The following ADGRL3 variants were observed in gnomAD, a reference collection of about 807,000 sequenced individuals.
ADGRL3 encodes the protein calcium-independent alpha-latrotoxin receptor 3.
Under a neutral mutation model 153.5 loss-of-function variants are expected in ADGRL3, and 62 were observed. The ratio of observed to expected loss-of-function variants is 0.40; its 90% CI spans 0.33 to 0.50. The LOEUF is 0.50. Ranked by LOEUF, ADGRL3 falls within the 20% of genes least tolerant of loss-of-function variation. ADGRL3 has a pLI of 0.47. For missense variants in ADGRL3, 1,641 were observed against 1,859.4 expected (o/e 0.88, Z 2.16); for synonymous variants, 710 against 672.5 (o/e 1.06, Z -0.86).
At chr4:61,745,146 G>A (rs981428739) in intron 8 of ADGRL3, among the ~76,000 whole-genome samples, 57 of 152,240 alleles carry the variant, frequency 3.7e-4, no homozygotes, top group African/African-American at 1.3e-3. Context: ...GAACTGAAGC[G>A]AGAAGGGAAG....
chr4:62,049,714 G>T (rs149533655), intron 25 of ADGRL3, among the ~76,000 whole-genome samples: 99 of 152,246 alleles, frequency 6.5e-4, no homozygotes, highest in African/African-American at 2.3e-3. Context: ...AGAGGGGAAA[G>T]ATGCTGCTAT....
chr4:61,774,793 T>C (rs2097128484), intron 8 of ADGRL3, among the ~76,000 whole-genome samples: 1 of 152,220 alleles, frequency 6.6e-6, no homozygotes, highest in South Asian at 2.1e-4. Flanking sequence ...AATTAAACTT[T>C]GTTATAGGTG....
chr4:61,588,876 A>G (rs2098957648), intron 5 of ADGRL3, among the ~76,000 whole-genome samples: 1 of 152,066 alleles, frequency 6.6e-6, no homozygotes, highest in African/African-American at 2.4e-5. Flanking sequence ...ACCAAACATA[A>G]GATTCTGTAG....
At chr4:61,443,651 G>C (rs2097549860) in intron 2 of ADGRL3, among the ~76,000 whole-genome samples, 1 of 151,864 alleles carries the variant, frequency 6.6e-6, no homozygotes, top group Admixed American at 6.6e-5. Context: ...TCTGAGGCTG[G>C]TGTGGGAGCA....
At chr4:62,053,982 A>T (rs1169727616) in intron 25 of ADGRL3, among the ~76,000 whole-genome samples, 3 of 151,624 alleles carry the variant, frequency 2.0e-5, no homozygotes, top group African/African-American at 7.2e-5. Context: ...ACAAATTCAC[A>T]AGCAATGTGT....
chr4:61,988,301 A>G (rs1204636603), intron 19 of ADGRL3, among the ~76,000 whole-genome samples: 1 of 152,194 alleles, frequency 6.6e-6, no homozygotes, highest in Non-Finnish European at 1.5e-5. Context: ...ATAATTAGTT[A>G]TTTAAAAAAT....
intron 1 of ADGRL3, among the ~76,000 whole-genome samples, chr4:61,249,255 A>C (rs1004197420): frequency 1.3e-5 from 2 of 152,186 alleles, no homozygotes; most frequent in Non-Finnish European, 2.9e-5. Flanking sequence ...AGTAAAGGTA[A>C]CACATTCATA....
chr4:61,740,374 C>T (rs192804397), intron 8 of ADGRL3, among the ~76,000 whole-genome samples: 1 of 152,292 alleles, frequency 6.6e-6, no homozygotes, highest in Admixed American at 6.5e-5. Context: ...TATCCTGATA[C>T]AGCTGGTGGG....
intron 26 of ADGRL3, among the ~76,000 whole-genome samples, chr4:62,068,926 T>A (rs568717469): frequency 6.6e-6 from 1 of 152,312 alleles, no homozygotes; most frequent in African/African-American, 2.4e-5. Context: ...GATAAATAAT[T>A]GCATCACAGA....
At chr4:61,548,657 C>A (rs2098725806) in intron 4 of ADGRL3, among the ~76,000 whole-genome samples, 1 of 151,988 alleles carries the variant, frequency 6.6e-6, no homozygotes, top group African/African-American at 2.4e-5. Context: ...GTACTAATAT[C>A]ATGCTTTTTT....
At chr4:62,011,232 A>G (rs1182524689) in intron 21 of ADGRL3, among the ~76,000 whole-genome samples, 1 of 152,152 alleles carries the variant, frequency 6.6e-6, no homozygotes, top group Non-Finnish European at 1.5e-5. Context: ...ATACAAATTT[A>G]TTTATTACAA....
At chr4:61,891,904 G>C (rs1397965394) in intron 9 of ADGRL3, among the ~76,000 whole-genome samples, 1 of 152,114 alleles carries the variant, frequency 6.6e-6, no homozygotes, top group Non-Finnish European at 1.5e-5. Context: ...TGGAAACATA[G>C]GTTCAATTAC....
chr4:62,034,757 A>G (rs1003156779), intron 23 of ADGRL3, among the ~76,000 whole-genome samples: 9 of 151,922 alleles, frequency 5.9e-5, no homozygotes, highest in Non-Finnish European at 1.3e-4. Context: ...AAATTTTTGT[A>G]TCTCAGTCTT....
intron 4 of ADGRL3, among the ~76,000 whole-genome samples, chr4:61,563,834 C>A (rs1172154691): frequency 6.6e-6 from 1 of 152,016 alleles, no homozygotes; most frequent in Admixed American, 6.6e-5. Flanking sequence ...ATGGTGAAAT[C>A]CCGTCTCTAC....
intron 2 of ADGRL3, among the ~76,000 whole-genome samples, chr4:61,471,318 A>G (rs1408151371): frequency 1.3e-5 from 2 of 151,828 alleles, no homozygotes; most frequent in African/African-American, 4.8e-5. Context: ...TATCCAATTG[A>G]TCAAAATTAC....
At chr4:61,400,850 T>C (rs1287554933) in intron 2 of ADGRL3, among the ~76,000 whole-genome samples, 1 of 150,816 alleles carries the variant, frequency 6.6e-6, no homozygotes, top group Non-Finnish European at 1.5e-5. Flanking sequence ...TGCTCCCTTG[T>C]CCTTAATTAT....
rs73215845 is a variant in ADGRL3, at chr4:61,572,413, G to T, written c.260-14814G>T. Among the ~76,000 whole-genome samples, 329 of 152,044 alleles carry T rather than the reference G, an allele frequency of 2.2e-3. 2 individuals carry two copies. The highest frequency in any genetic ancestry group is 7.2e-3 in the African/African-American group (298 of 41,490). On this transcript the variant is annotated intron_variant, in intron 4 of 26. Coordinates refer to ENST00000683033, the MANE Select transcript of ADGRL3 (RefSeq NM_001387552.1). ...TCAACTTGTCATGATCTTCTATTTT[G>T]TTCTGTGTACCAGTTTATAGCATAG...
At chr4:61,781,078 G>A (rs1471320959) in intron 8 of ADGRL3, among the ~76,000 whole-genome samples, 6 of 152,142 alleles carry the variant, frequency 3.9e-5, no homozygotes, top group African/African-American at 1.2e-4. Flanking sequence ...TGTAATCCCA[G>A]TGCTTTGGGA....
At chr4:61,970,519 G>T (rs2099023210) in intron 17 of ADGRL3, among the ~76,000 whole-genome samples, 1 of 152,002 alleles carries the variant, frequency 6.6e-6, no homozygotes, top group Non-Finnish European at 1.5e-5. Flanking sequence ...ATAACTTAGA[G>T]TGTGCTAAGC....
Sources: allele counts gnomAD v4.1 joint callset (sites outside exome capture counted in the v4.1 genomes callset), GRCh38; gene constraint gnomAD v4.1.1; transcripts MANE v1.5; gene names NCBI Gene and HGNC (gene_info 2026-07-23, HGNC 2026-07-21).